Variants in SATB2 observed in about 807,000 individuals in gnomAD.
SATB2 encodes SATB homeobox 2, also known as DNA-binding protein SATB2.
In SATB2, 1 loss-of-function variant was observed where a neutral mutation model predicts 73.4. That is an observed-to-expected ratio of 0.01 (90% CI 0.00 to 0.06). SATB2 has a LOEUF of 0.06. Ranked by LOEUF, SATB2 falls within the 10% of genes least tolerant of loss-of-function variation. The pLI is 1.00. For missense variants in SATB2, 459 were observed against 945.8 expected, an observed-to-expected ratio of 0.49 and a Z score of 6.75; for synonymous variants, 397 against 367.0, an observed-to-expected ratio of 1.08 and a Z score of -0.93.
chr2:199,399,281 A>AAATTT (rs941679413), intron 3 of SATB2, among the ~76,000 whole-genome samples: 8 of 152,200 alleles, frequency 5.3e-5, no homozygotes, highest in East Asian at 3.9e-4. Context: ...CAGAAAAATA[A>AAATTT]AATTTAATTT....
intron 6 of SATB2, among the ~76,000 whole-genome samples, chr2:199,362,399 G>C (rs1008331661): frequency 2.4e-5 from 3 of 127,642 alleles, no homozygotes; most frequent in Non-Finnish European, 4.6e-5. Context: ...AAGAGTTTCC[G>C]GACTTTCCTC....
At chr2:199,390,978 T>C (rs949829345) in intron 3 of SATB2, among the ~76,000 whole-genome samples, 1 of 152,218 alleles carries the variant, frequency 6.6e-6, no homozygotes, top group Non-Finnish European at 1.5e-5. Context: ...ATTAATAATA[T>C]GAAGGCAAAC....
chr2:199,381,648 G>A (rs770320908), intron 4 of SATB2, 46 bp downstream of exon 4: 15 of 1,611,774 alleles, frequency 9.3e-6, no homozygotes, highest in Non-Finnish European at 1.3e-5. Context: ...ATGATTGACG[G>A]AGCAGCTCTG....
At chr2:199,326,651 T>C (rs1261473053) in intron 8 of SATB2, among the ~76,000 whole-genome samples, 1 of 152,196 alleles carries the variant, frequency 6.6e-6, no homozygotes, top group Non-Finnish European at 1.5e-5. Context: ...TGGGCTCTTC[T>C]ATAATGGTTT....
rs548961800 is a variant in SATB2, at chr2:199,415,923, C to T, written c.346+17415G>A. Among the ~76,000 whole-genome samples the T allele has an allele frequency of 9.8e-5, 15 of 152,328 alleles. No homozygotes were observed. The South Asian group carries it at 1.0e-3, about 11-fold the overall frequency. On this transcript the variant is annotated intron_variant, in intron 3 of 10. Transcript: ENST00000417098. The stretch of plus-strand genomic sequence containing the variant: ...TCCTTCTCTGTAAGGTTGTCCTCAG[C>T]CCCACCAAGCCTGTGTGCCAACTTG...
intron 3 of SATB2, among the ~76,000 whole-genome samples, chr2:199,409,650 GTTTT>G (rs5837680): frequency 6.8e-6 from 1 of 146,570 alleles, no homozygotes; most frequent in Non-Finnish European, 1.5e-5. Flanking sequence ...ACCAAGACAA[GTTTT>G]TTTTGTTTTT....
Position 199,463,362 on chromosome 2 carries a change from C to G in SATB2, c.-141+1474G>C, listed in dbSNP as rs1054965649. Among the ~76,000 whole-genome samples the G allele has an allele frequency of 7.9e-5, 12 of 152,330 alleles. No individual in the cohort carries two copies. The highest frequency in any genetic ancestry group is 2.9e-4 in the African/African-American group (12 of 41,590). ...CGCCGCTGCGTCCCCGCCCCCAGCT[C>G]GGAGCTGCCGGGGTTGGGGCCCCGG... On this transcript the variant is annotated intron_variant, in intron 1 of 11. Coordinates refer to the SATB2 transcript ENST00000260926. This position sits in a 1 kb window ranked among gnomAD's most constrained non-coding sequence, Gnocchi z 6.4.
At chr2:199,439,723 T>G (rs1178524846) in intron 2 of SATB2, among the ~76,000 whole-genome samples, 1 of 152,164 alleles carries the variant, frequency 6.6e-6, no homozygotes, top group Non-Finnish European at 1.5e-5. Flanking sequence ...TCTCTCACAC[T>G]GACACAATCA....
chr2:199,324,213 C>T (rs1687971509), intron 8 of SATB2, among the ~76,000 whole-genome samples: 1 of 152,082 alleles, frequency 6.6e-6, no homozygotes, highest in South Asian at 2.1e-4. Context: ...TAGGATGGCT[C>T]TCCTAGACAC....
At chr2:199,328,614 A>G (rs961691196) in intron 8 of SATB2, 84 bp downstream of exon 8, 3 of 979,658 alleles carry the variant, frequency 3.1e-6, no homozygotes, top group African/African-American at 3.2e-5. Flanking sequence ...ATGTCTCTCA[A>G]TGTTTGAGGG....
intron 9 of SATB2, among the ~76,000 whole-genome samples, chr2:199,318,120 T>C (rs543891929): frequency 9.2e-5 from 14 of 152,052 alleles, no homozygotes; most frequent in African/African-American, 2.4e-4. Context: ...ACATGTTGAA[T>C]ATAAATGGCA....
chr2:199,366,921 CAA>C (rs1491496311), intron 6 of SATB2, among the ~76,000 whole-genome samples: 2 of 150,096 alleles, frequency 1.3e-5, no homozygotes, highest in Non-Finnish European at 2.9e-5. Flanking sequence ...CACACACACA[CAA>C]ACACACACAC....
chr2:199,341,513 T>C (rs954450480), intron 7 of SATB2, among the ~76,000 whole-genome samples: 1 of 152,200 alleles, frequency 6.6e-6, no homozygotes, highest in African/African-American at 2.4e-5. Context: ...TCTGTTTCTG[T>C]CTCATTTTTA....
upstream of SATB2, among the ~76,000 whole-genome samples, chr2:199,465,605 A>G (rs1332872631): frequency 6.6e-6 from 1 of 152,218 alleles, no homozygotes; most frequent in African/African-American, 2.4e-5. Context: ...CCTTTCATGA[A>G]CAATAACTGC....
At chr2:199,328,606 G>T in intron 8 of SATB2, 92 bp downstream of exon 8, 2 of 871,548 alleles carry the variant, frequency 2.3e-6, no homozygotes, top group Non-Finnish European at 3.8e-6. Flanking sequence ...CTTGAATTAT[G>T]TCTCTCAATG....
exon 1 of SATB2, chr2:199,471,140 G>A (rs1308514422): frequency 2.6e-5 from 4 of 152,412 alleles, no homozygotes; most frequent in Admixed American, 2.6e-4. Flanking sequence ...CCGGAGCTGG[G>A]GAGGGTTGTG....
intron 2 of SATB2, among the ~76,000 whole-genome samples, chr2:199,451,091 AACACACACACAC>A (rs56071011): frequency 1.9e-4 from 27 of 139,294 alleles, no homozygotes; most frequent in East Asian, 1.3e-3. Context: ...ATGTAGTTCC[AACACACACACAC>A]ACACACACAC....
intron 3 of SATB2, among the ~76,000 whole-genome samples, chr2:199,398,503 G>C (rs2105889352): frequency 6.6e-6 from 1 of 152,174 alleles, no homozygotes; most frequent in South Asian, 2.1e-4. Flanking sequence ...ATAGCTCTAG[G>C]GGGCAGAAGA....
intron 3 of SATB2, among the ~76,000 whole-genome samples, chr2:199,408,531 G>C (rs569012834): frequency 2.6e-4 from 39 of 152,124 alleles, no homozygotes; most frequent in Middle Eastern, 3.4e-3. Context: ...AGATACAAGG[G>C]GGATATACTA....
Sources: gnomAD v4.1 joint callset for allele counts (sites outside exome capture counted in the v4.1 genomes callset) on GRCh38, gnomAD v4.1.1 for gene constraint, Gnocchi (gnomAD v3.1) non-coding constraint, MANE v1.5 for transcripts, NCBI Gene and HGNC (gene_info 2026-07-23, HGNC 2026-07-21) for gene names.